Variants in C12orf50 observed in about 807,000 individuals in gnomAD.
C12orf50 encodes the protein zinc finger CCCH-type containing 11D.
Under a neutral mutation model 61.6 loss-of-function variants are expected in C12orf50, and 35 were observed. The observed-to-expected ratio is 0.57, with a 90% confidence interval of 0.43 to 0.75. The LOEUF is 0.75. C12orf50 is among the 30% of genes least tolerant of loss of function. The probability of loss-of-function intolerance (pLI) is 0.00; values close to 1 mark genes in which losing one functional copy is unlikely to be tolerated. For missense variants in C12orf50, 475 were observed against 488.5 expected, an observed-to-expected ratio of 0.97 and a Z score of 0.26; for synonymous variants, 178 against 161.5, an observed-to-expected ratio of 1.10 and a Z score of -0.77.
At chr12:88,027,152 C>A in intron 1 of C12orf50, 82 bp from the exon 2 acceptor site, 1 of 1,351,790 alleles carries the variant, frequency 7.4e-7, no homozygotes, top group Non-Finnish European at 9.9e-7. Flanking sequence ...ATTAGTTAAA[C>A]GAAATATGAG....
chr12:87,998,315 T>A lies in C12orf50; in HGVS notation c.134-125A>T, dbSNP rs149477454. The A allele has an allele frequency of 2.7e-4, 172 of 644,518 alleles. 1 individual carries two copies. Among genetic ancestry groups the A allele is most frequent in the Middle Eastern group, 2.3e-3 (5 of 2,216 alleles). 39.9% of individuals were successfully genotyped at this position (644,518 alleles called of 1,614,324 possible). On this transcript the variant is annotated intron_variant, in intron 3 of 12. Coordinates refer to ENST00000298699, the MANE Select transcript of C12orf50 (RefSeq NM_152589.3). ...TTAAAATGTGTACAATAATAATACA[T>A]TAATGGATTGTGTTTCTACACACTA...
chr12:88,014,450 T>C (rs1473028560), intron 3 of C12orf50, among the ~76,000 whole-genome samples: 9 of 152,118 alleles, frequency 5.9e-5, no homozygotes, highest in Non-Finnish European at 1.0e-4. Context: ...TACAGGCATC[T>C]GCCACTACGT....
chr12:87,996,060 C>T (rs959738100), intron 6 of C12orf50, among the ~76,000 whole-genome samples: 2 of 152,152 alleles, frequency 1.3e-5, no homozygotes, highest in Admixed American at 1.3e-4. Flanking sequence ...AAAGAAAAAT[C>T]TAGACCTCTT....
At chr12:88,016,462 T>G (rs925383299) in intron 3 of C12orf50, among the ~76,000 whole-genome samples, 1 of 152,234 alleles carries the variant, frequency 6.6e-6, no homozygotes, top group African/African-American at 2.4e-5. Flanking sequence ...ATATTAGGTC[T>G]GCCAGGAATC....
At chr12:87,989,764 C>T (rs910994877) in intron 7 of C12orf50, among the ~76,000 whole-genome samples, 4 of 151,992 alleles carry the variant, frequency 2.6e-5, no homozygotes, top group African/African-American at 9.7e-5. Flanking sequence ...GATAAATATC[C>T]ATAGTTGCTT....
intron 3 of C12orf50, among the ~76,000 whole-genome samples, chr12:88,001,292 A>ATATTAT (rs111556053): frequency 4.4e-4 from 66 of 149,678 alleles, no homozygotes; most frequent in African/African-American, 8.6e-4. Flanking sequence ...TATTGTGGGT[A>ATATTAT]TATTATTATT....
chr12:88,029,299 C>A (rs183671824), intron 1 of C12orf50, 41 bp downstream of exon 1: 4 of 211,986 alleles, frequency 1.9e-5, no homozygotes, highest in Non-Finnish European at 2.9e-5. Context: ...CAGTATATTA[C>A]GCAATAGATA....
intron 7 of C12orf50, among the ~76,000 whole-genome samples, chr12:87,993,474 C>G (rs1236282859): frequency 6.6e-6 from 1 of 152,102 alleles, no homozygotes; most frequent in Non-Finnish European, 1.5e-5. Flanking sequence ...CAAACAATTA[C>G]AGCTAGACTA....
intron 3 of C12orf50, among the ~76,000 whole-genome samples, chr12:88,017,533 G>C (rs528347552): frequency 1.4e-4 from 22 of 152,332 alleles, no homozygotes; most frequent in African/African-American, 5.3e-4. Flanking sequence ...CAGTAGAGTG[G>C]AGCACTGCTG....
intron 4 of C12orf50, 93 bp downstream of exon 4, chr12:87,997,942 A>G: frequency 1.1e-6 from 1 of 949,568 alleles, no homozygotes; most frequent in Non-Finnish European, 1.5e-6. Flanking sequence ...TCTGCCTTAT[A>G]TATTACATCA....
chr12:87,994,725 G>A lies in C12orf50; in HGVS notation c.500C>T (p.Pro167Leu), dbSNP rs199705637. The change falls in exon 7 of 13, where the codon CCG becomes CTG. Residue 167 changes from proline (P) to leucine (L), a missense_variant. Coordinates refer to ENST00000298699, the MANE Select transcript of C12orf50 (RefSeq NM_152589.3). ...ELQEGDSLTV[P>L]TKLSQYERQG... is the part of the protein sequence containing the mutation. The stretch of plus-strand genomic sequence containing the variant: ...CCTTTCATATTGGCTAAGTTTTGTC[G>A]GAACTGTAAGACTATCTCCTAGAAA... 3.7e-5 allele frequency: 59 copies of A among 1,610,362 alleles called. No individual in the cohort carries two copies. Among genetic ancestry groups the A allele is most frequent in the East Asian group, 1.6e-4 (7 of 44,750 alleles).
chr12:87,988,686 G>A (rs934179074), intron 8 of C12orf50, among the ~76,000 whole-genome samples: 1 of 152,038 alleles, frequency 6.6e-6, no homozygotes, highest in African/African-American at 2.4e-5. Context: ...TGGTAGAGAT[G>A]GTAGATAAAA....
At chr12:88,008,905 G>A (rs968150982) in intron 3 of C12orf50, among the ~76,000 whole-genome samples, 1 of 152,094 alleles carries the variant, frequency 6.6e-6, no homozygotes, top group Admixed American at 6.5e-5. Context: ...TTTATAAATA[G>A]AGTTAAGCCA....
chr12:88,017,326 T>C (rs1326970846), intron 3 of C12orf50, among the ~76,000 whole-genome samples: 1 of 152,210 alleles, frequency 6.6e-6, no homozygotes, highest in Non-Finnish European at 1.5e-5. Flanking sequence ...CTCTCTCTCT[T>C]TGCCTGCTGC....
intron 7 of C12orf50, among the ~76,000 whole-genome samples, chr12:87,992,401 T>C (rs2031166472): frequency 6.6e-6 from 1 of 152,188 alleles, no homozygotes; most frequent in South Asian, 2.1e-4. Context: ...GTATCAACTG[T>C]GTGTATATAT....
At chr12:88,017,294 A>T (rs2032347362) in intron 3 of C12orf50, among the ~76,000 whole-genome samples, 1 of 151,586 alleles carries the variant, frequency 6.6e-6, no homozygotes, top group Non-Finnish European at 1.5e-5. Flanking sequence ...CAGTTTTAAA[A>T]ACAAGAGTTT....
At chr12:87,989,511 T>C in intron 7 of C12orf50, 140 bp from the exon 8 acceptor site, 1 of 579,432 alleles carries the variant, frequency 1.7e-6, no homozygotes, top group Admixed American at 3.0e-5. Flanking sequence ...TCCATCTCCA[T>C]ACATTTATAT....
chr12:88,004,387 T>TA (rs1412008267), intron 3 of C12orf50, among the ~76,000 whole-genome samples: 2 of 152,016 alleles, frequency 1.3e-5, no homozygotes, highest in East Asian at 1.9e-4. Flanking sequence ...ATTAAAAAGC[T>TA]AAAAAAATAG....
At chr12:88,011,271 C>T (rs115704546) in intron 3 of C12orf50, among the ~76,000 whole-genome samples, 1,544 of 151,972 alleles carry the variant, frequency 0.01, 26 homozygotes, top group African/African-American at 0.035. Context: ...GAGGATGACC[C>T]CTGGGACCCA....
Sources: allele counts gnomAD v4.1 joint callset (sites outside exome capture counted in the v4.1 genomes callset), GRCh38; gene constraint gnomAD v4.1.1; transcripts MANE v1.5; gene names NCBI Gene and HGNC (gene_info 2026-07-23, HGNC 2026-07-21).